The following C4orf50 variants were observed in gnomAD, a reference collection of about 807,000 sequenced individuals.
C4orf50 encodes the protein chromosome 4 open reading frame 50, also known as uncharacterized protein C4orf50.
A neutral mutation model predicts 77.2 loss-of-function variants in C4orf50; 80 were observed. The observed-to-expected ratio is 1.04, with a 90% CI of 0.87 to 1.25. C4orf50 has a LOEUF of 1.25. Among genes scored for constraint, C4orf50 ranks in the 50% most tolerant of loss-of-function variants. The probability of loss-of-function intolerance (pLI) is 0.00; values close to 1 mark genes in which losing one functional copy is unlikely to be tolerated. For missense variants in C4orf50, 1,257 were observed against 1,152.9 expected (o/e 1.09, Z -1.31); for synonymous variants, 532 against 465.3 (o/e 1.14, Z -1.84).
chr4:5,975,957 T>C lies in C4orf50; in HGVS notation c.3865-2A>G. The C allele has an allele frequency of 6.2e-7, 1 of 1,613,654 alleles. No individual in the cohort carries two copies. On this transcript the variant is annotated splice_acceptor_variant, in intron 29 of 33. Coordinates refer to ENST00000531445, the Ensembl canonical transcript of C4orf50. LOFTEE classifies it high-confidence loss of function. ...TTGCTTTTTCTGAAGTTCTTCAAGC[T>C]GAAATAAAAGCGACATTTTTGACAA...
rs544624543 is a variant in C4orf50, at chr4:5,970,841, C to G, written c.4104+2818G>C. On this transcript the variant is annotated intron_variant, in intron 31 of 33. Coordinates refer to ENST00000531445, the Ensembl canonical transcript of C4orf50. The surrounding 1 kb of genome is among the most constrained non-coding windows in gnomAD (Gnocchi z 4.3). ...GGACATGCTGAGGCTCAGGGTCCCCCGTGGAGCCTAGCAGCAGGATGCTGG... is the reference window on the plus strand; with the variant it reads ...GGACATGCTGAGGCTCAGGGTCCCCGGTGGAGCCTAGCAGCAGGATGCTGG... Among the ~76,000 whole-genome samples the G allele has an allele frequency of 3.3e-5, 5 of 152,148 alleles. No homozygotes were observed. Among genetic ancestry groups the G allele is most frequent in the African/African-American group, 1.2e-4 (5 of 41,448 alleles).
intron 28 of C4orf50, among the ~76,000 whole-genome samples, chr4:5,981,045 G>T (rs936640890): frequency 6.6e-6 from 1 of 152,150 alleles, no homozygotes; most frequent in Non-Finnish European, 1.5e-5. Flanking sequence ...TGGTTTTGAA[G>T]TCTAAATTCT....
intron 25 of C4orf50, among the ~76,000 whole-genome samples, chr4:5,996,750 C>T (rs76216584): frequency 0.024 from 3,715 of 152,300 alleles, 55 homozygotes; most frequent in Non-Finnish European, 0.039. Context: ...TAAACAAGAA[C>T]CAGTGCAGGA....
intron 7 of C4orf50, among the ~76,000 whole-genome samples, chr4:5,935,611 C>A (rs1319163559): frequency 6.6e-6 from 1 of 151,860 alleles, no homozygotes; most frequent in Non-Finnish European, 1.5e-5. Flanking sequence ...CATAGTGAAA[C>A]CCCGTCTGTA....
At chr4:5,902,601 A>C (rs1168395584) in intron 7 of C4orf50, 1 of 152,128 alleles carries the variant, frequency 6.6e-6, no homozygotes, top group Non-Finnish European at 1.5e-5. Flanking sequence ...TCCCTGCCTC[A>C]GTTAATCCTT....
At chr4:5,945,787 A>C (rs913314040) in intron 7 of C4orf50, among the ~76,000 whole-genome samples, 16 of 152,172 alleles carry the variant, frequency 1.1e-4, no homozygotes, top group Non-Finnish European at 2.2e-4. Context: ...GCTGGGCTGG[A>C]CCCTGGGCCG....
At chr4:6,003,973 C>A (rs201702815) in intron 25 of C4orf50, among the ~76,000 whole-genome samples, 2 of 44,270 alleles carry the variant, frequency 4.5e-5, no homozygotes, top group Admixed American at 3.2e-4. Flanking sequence ...GATGTGATGG[C>A]GATGATAGTG....
At chr4:5,912,979 G>C (rs1039160030) in intron 7 of C4orf50, among the ~76,000 whole-genome samples, 2 of 152,224 alleles carry the variant, frequency 1.3e-5, no homozygotes, top group Non-Finnish European at 2.9e-5. Context: ...TATGAAAGGC[G>C]TGCTCACAGG....
rs1215054624 is a variant in C4orf50 at position 6,007,554 on chromosome 4, T to C, written c.963+442A>G. On this transcript the variant is annotated intron_variant, in intron 25 of 33. Transcript: ENST00000531445. The surrounding 1 kb of genome is among the most constrained non-coding windows in gnomAD (Gnocchi z 4.1). ...AGTTTCTGTTATTTATAAGCCACCA[T>C]CTATGGTATTTTTTATAAAAGCCCA... Among the ~76,000 whole-genome samples, 1 of 152,168 alleles carries C rather than the reference T, an allele frequency of 6.6e-6. No individual in the cohort carries two copies. The highest frequency in any genetic ancestry group is 1.5e-5 in the Non-Finnish European group (1 of 68,040).
rs575231536 is a variant in C4orf50, at chr4:5,970,638, G to A, written c.4104+3021C>T. Reference sequence around the variant, plus strand: ...GACTCTGAGGCTCAATTTCCACCACGCACCCAAACCAGGACAAGAAAAGAA... The same window carrying A: ...GACTCTGAGGCTCAATTTCCACCACACACCCAAACCAGGACAAGAAAAGAA... On this transcript the variant is annotated intron_variant, in intron 31 of 33. Coordinates refer to ENST00000531445, the Ensembl canonical transcript of C4orf50. The surrounding 1 kb of genome is among the most constrained non-coding windows in gnomAD (Gnocchi z 4.3). Among the ~76,000 whole-genome samples the A allele has an allele frequency of 2.0e-5, 3 of 152,284 alleles. No individual in the cohort carries two copies. The highest frequency in any genetic ancestry group is 3.9e-4 in the East Asian group (2 of 5,166).
intron 7 of C4orf50, among the ~76,000 whole-genome samples, chr4:5,918,532 C>G (rs1717128514): frequency 6.6e-6 from 1 of 152,174 alleles, no homozygotes; most frequent in South Asian, 2.1e-4. Context: ...TGGGTCCAGC[C>G]ACAGTGGCTG....
chr4:6,010,015 G>A (rs951885033), intron 24 of C4orf50, among the ~76,000 whole-genome samples: 10 of 152,172 alleles, frequency 6.6e-5, no homozygotes, highest in Admixed American at 2.0e-4. Context: ...GCTGGTCCCT[G>A]CAGTACCTTT....
chr4:5,912,446 TG>T (rs1463112074), intron 7 of C4orf50, among the ~76,000 whole-genome samples: 1 of 152,176 alleles, frequency 6.6e-6, no homozygotes, highest in Admixed American at 6.5e-5. Flanking sequence ...GAAAAGGAGC[TG>T]GGATGAGTGT....
chr4:6,013,635 C>A (rs572629295), intron 23 of C4orf50, among the ~76,000 whole-genome samples: 3 of 152,184 alleles, frequency 2.0e-5, no homozygotes, highest in African/African-American at 7.2e-5. Context: ...GTCTCTAAGA[C>A]CAATCACAAG....
rs1716638906 is a variant in C4orf50, at chr4:5,908,161, A to G, written c.*2475-9973T>C. Among the ~76,000 whole-genome samples, 1 of 152,232 alleles carries G rather than the reference A, an allele frequency of 6.6e-6. No individual in the cohort carries two copies. Among genetic ancestry groups the G allele is most frequent in the Non-Finnish European group, 1.5e-5 (1 of 68,044 alleles). ...GGCTATGGAGAATGTTGAGATGAAT[A>G]AAACCCAGACACATGTGTCCTCAAG... On this transcript the variant is annotated intron_variant, in intron 7 of 7. Transcript: ENST00000324058. This position sits in a 1 kb window ranked among gnomAD's most constrained non-coding sequence, Gnocchi z 5.6.
At chr4:5,989,550 A>G in exon 28 of C4orf50, 1 of 1,536,120 alleles carries the variant, frequency 6.5e-7, no homozygotes, top group Non-Finnish European at 8.7e-7. Flanking sequence ...CCCTACATGC[A>G]GAGGCTGAGC....
intron 29 of C4orf50, among the ~76,000 whole-genome samples, chr4:5,977,680 G>C (rs1316588307): frequency 2.0e-5 from 3 of 152,004 alleles, no homozygotes; most frequent in African/African-American, 4.8e-5. Context: ...ATCTGTTTTG[G>C]CACAGCATTC....
intron 29 of C4orf50, 35 bp downstream of exon 7, chr4:5,980,139 G>A: frequency 1.3e-6 from 2 of 1,534,266 alleles, no homozygotes; most frequent in Non-Finnish European, 1.8e-6. Flanking sequence ...TGGGAGCCCT[G>A]GCTGACAAGA....
rs1363014493 is a variant in C4orf50 at position 6,011,812 on chromosome 4, A to G, written c.426+18T>C. 5.0e-6 allele frequency: 2 copies of G among 398,996 alleles called. No individual in the cohort carries two copies. Among genetic ancestry groups the G allele is most frequent in the African/African-American group, 2.1e-5 (1 of 48,638 alleles). 24.7% of individuals were successfully genotyped at this position (398,996 alleles called of 1,614,324 possible). On this transcript the variant is annotated intron_variant, in intron 24 of 33. Coordinates refer to ENST00000531445, the Ensembl canonical transcript of C4orf50. The surrounding 1 kb of genome is among the most constrained non-coding windows in gnomAD (Gnocchi z 4.2). ...GCTGGACAGGAAACAGGGCCTGGAA[A>G]GGAGAAGGAAACGGTACCTGGCTGG...
Sources: gnomAD v4.1 joint callset for allele counts (sites outside exome capture counted in the v4.1 genomes callset) on GRCh38, gnomAD v4.1.1 for gene constraint, Gnocchi (gnomAD v3.1) non-coding constraint, MANE v1.5 for transcripts, NCBI Gene and HGNC (gene_info 2026-07-23, HGNC 2026-07-21) for gene names.